The following ST7 variants were observed in gnomAD, a reference collection of about 807,000 sequenced individuals.
The protein encoded by ST7 is suppression of tumorigenicity 7.
ST7 carries 28 observed loss-of-function variants against 78.7 expected under a neutral mutation model. The ratio of observed to expected loss-of-function variants is 0.36; its 90% CI spans 0.26 to 0.49. The LOEUF (loss-of-function observed/expected upper bound fraction) is 0.49, where lower values mean the gene tolerates loss of function less well. Ranked by LOEUF, ST7 falls within the 20% of genes least tolerant of loss-of-function variation. The pLI is 0.99. For missense variants in ST7, 418 were observed against 696.0 expected, an observed-to-expected ratio of 0.60 and a Z score of 4.49; for synonymous variants, 247 against 249.6, an observed-to-expected ratio of 0.99 and a Z score of 0.10.
In ST7 at chr7:117,126,040, GATAA is replaced by G. The variant is rs1473552432; in HGVS notation, c.395-3750_395-3747del. Among the ~76,000 whole-genome samples, 3 of 151,932 alleles carry G rather than the reference GATAA, an allele frequency of 2.0e-5. No individual in the cohort carries two copies. In the East Asian group the frequency reaches 5.8e-4, roughly 29 times the overall value. ...CTAACTAATGTATGTAAGGAATGTA[GATAA>G]ATCGAGCTTTAAGCCCCTTTACAGA... is the stretch of plus-strand genomic sequence containing the variant. On this transcript the variant is annotated intron_variant, in intron 3 of 15. Transcript: ENST00000323984.
At chr7:117,133,414 G>A (rs952755823) in intron 6 of ST7, among the ~76,000 whole-genome samples, 2 of 151,782 alleles carry the variant, frequency 1.3e-5, no homozygotes, top group African/African-American at 2.4e-5. Context: ...ACCCATTTTA[G>A]AGTTTAATTT....
chr7:117,018,144 C>T (rs1795704352), intron 1 of ST7, among the ~76,000 whole-genome samples: 1 of 152,150 alleles, frequency 6.6e-6, no homozygotes, highest in African/African-American at 2.4e-5. Context: ...ACCATGGCCT[C>T]TGTTTGAAAA....
chr7:117,024,033 T>C (rs1290778320), intron 1 of ST7, among the ~76,000 whole-genome samples: 1 of 152,098 alleles, frequency 6.6e-6, no homozygotes, highest in African/African-American at 2.4e-5. Flanking sequence ...AGGCTGGTCC[T>C]GAACCCTTGA....
At chr7:117,136,334 A>AATCAAAAGC (rs1315580642) in intron 8 of ST7, 99 bp downstream of exon 8, 5 of 1,424,764 alleles carry the variant, frequency 3.5e-6, no homozygotes, top group Non-Finnish European at 4.9e-6. Context: ...ATTCTCCTAG[A>AATCAAAAGC]CAAGAGAAAA....
At chr7:116,972,650 C>T in intron 1 of ST7, 1 of 1,162,476 alleles carries the variant, frequency 8.6e-7, no homozygotes. Context: ...ATACCTCTCT[C>T]ACTCTCATCA....
chr7:117,025,371 A>C (rs1480672621), intron 1 of ST7, among the ~76,000 whole-genome samples: 6 of 152,162 alleles, frequency 3.9e-5, no homozygotes, highest in Non-Finnish European at 7.4e-5. Flanking sequence ...TTAGTACTCT[A>C]TTTGGTTTTC....
intron 2 of ST7, chr7:117,118,295 G>A (rs1247923571): frequency 2.0e-5 from 3 of 152,196 alleles, no homozygotes; most frequent in African/African-American, 7.2e-5. Flanking sequence ...AAACATTTCT[G>A]GTTCCAAGCA....
rs140610613 is a variant in ST7 at position 117,046,927 on chromosome 7, C to A, written c.152-52835C>A. Among the ~76,000 whole-genome samples the A allele has an allele frequency of 1.0e-3, 159 of 152,276 alleles. 1 individual carries two copies. Among genetic ancestry groups the A allele is most frequent in the African/African-American group, 3.7e-3 (153 of 41,556 alleles). ...TGTTAAATTATTTACCTCTCTGAGC[C>A]TCTTCTTCATCTATGAAATGGAGGA... On this transcript the variant is annotated intron_variant, in intron 1 of 15. Coordinates refer to ENST00000323984, the MANE Select transcript of ST7 (RefSeq NM_001369598.1).
At chr7:116,979,663 T>A (rs1338209746) in intron 1 of ST7, among the ~76,000 whole-genome samples, 1 of 152,194 alleles carries the variant, frequency 6.6e-6, no homozygotes, top group East Asian at 1.9e-4. Context: ...ACACTTATAA[T>A]CTTATTACAG....
chr7:117,146,713 A>G (rs1274534762), intron 9 of ST7, among the ~76,000 whole-genome samples: 1 of 152,230 alleles, frequency 6.6e-6, no homozygotes, highest in East Asian at 1.9e-4. Context: ...AAGAAAAAAG[A>G]GAAGTCAGGG....
chr7:117,201,429 T>C (rs1162190719), intron 12 of ST7, among the ~76,000 whole-genome samples: 1 of 152,048 alleles, frequency 6.6e-6, no homozygotes, highest in East Asian at 1.9e-4. Context: ...TCTACTGAGG[T>C]CACTCTTATT....
intron 9 of ST7, among the ~76,000 whole-genome samples, chr7:117,141,887 C>T (rs1440205839): frequency 2.6e-5 from 4 of 152,132 alleles, no homozygotes; most frequent in African/African-American, 9.6e-5. Flanking sequence ...CCAGGCTCAT[C>T]TTGACCTCGT....
chr7:117,065,343 G>T (rs1798579369), intron 1 of ST7, among the ~76,000 whole-genome samples: 1 of 151,808 alleles, frequency 6.6e-6, no homozygotes, highest in East Asian at 1.9e-4. Context: ...CGGGTAGCTG[G>T]GATTACAGGC....
rs566768473 is a variant in ST7, at chr7:117,138,206, A to G, written c.866-229A>G. Among the ~76,000 whole-genome samples, 5 of 152,268 alleles carry G rather than the reference A, an allele frequency of 3.3e-5. No homozygotes were observed. In the South Asian group the frequency reaches 6.2e-4, roughly 19 times the overall value. The stretch of plus-strand genomic sequence containing the variant: ...TCATTTTCGCAGCACTTTGTGGCAG[A>G]TGATTTTATTTATTATCAAATATTC... On this transcript the variant is annotated intron_variant, in intron 8 of 15. Transcript: ENST00000323984.
Position 117,169,804 on chromosome 7 carries a change from CTTTTTTT to C in ST7, c.964-1045_964-1039del, listed in dbSNP as rs757197865. 4.6e-5 allele frequency among the ~76,000 whole-genome samples: 6 copies of C among 131,562 alleles called. No homozygotes were observed. The East Asian group carries it at 1.3e-3, about 29-fold the overall frequency. The allele number at this position is 131,562 out of a possible 152,430, so 86.3% of individuals were successfully genotyped here. A position where few individuals can be genotyped will look rare whatever the true frequency, so the allele number is the denominator to read the frequency against. On this transcript the variant is annotated intron_variant, in intron 9 of 15. Coordinates refer to ENST00000323984, the MANE Select transcript of ST7 (RefSeq NM_001369598.1). ...GGCCCTCAAGACAGCCTTAGCAATC[CTTTTTTT>C]TTTTTTTTTTTTGTCCTGAGTAGTT...
rs913801623 is a variant in ST7 at position 117,136,915 on chromosome 7, C to A, written c.865+680C>A. The A allele has an allele frequency of 2.6e-5, 4 of 152,034 alleles. No homozygotes were observed. In the East Asian group the frequency reaches 5.8e-4, roughly 22 times the overall value. The allele number at this position is 152,034 out of a possible 1,614,324, so 9.4% of individuals were successfully genotyped here. A position where few individuals can be genotyped will look rare whatever the true frequency, so the allele number is the denominator to read the frequency against. ...GGGGAACAGTATAGAAACAAAACAA[C>A]GAAATCATTTCTGGAATTCCCTGAG... On this transcript the variant is annotated intron_variant, in intron 8 of 15. Transcript: ENST00000323984.
chr7:117,003,490 G>A (rs144908603), intron 1 of ST7, among the ~76,000 whole-genome samples: 208 of 152,170 alleles, frequency 1.4e-3, no homozygotes, highest in African/African-American at 4.5e-3. Flanking sequence ...TAAAGATGGG[G>A]TTTCACCATG....
intron 1 of ST7, among the ~76,000 whole-genome samples, chr7:117,087,351 T>C (rs1584616464): frequency 6.6e-6 from 1 of 152,314 alleles, no homozygotes; most frequent in Middle Eastern, 3.4e-3. Context: ...AACAGGAATA[T>C]ACATATGTGT....
intron 9 of ST7, among the ~76,000 whole-genome samples, chr7:117,144,932 C>T (rs776406772): frequency 6.6e-6 from 1 of 152,152 alleles, no homozygotes; most frequent in Non-Finnish European, 1.5e-5. Context: ...GGTATGGTGG[C>T]TCACGCCTGT....
Sources: allele counts gnomAD v4.1 joint callset (sites outside exome capture counted in the v4.1 genomes callset), GRCh38; gene constraint gnomAD v4.1.1; transcripts MANE v1.5; gene names NCBI Gene and HGNC (gene_info 2026-07-23, HGNC 2026-07-21).